The following FANCC variants were observed in gnomAD, a reference collection of about 807,000 sequenced individuals.
FANCC encodes the protein FA complementation group C.
A neutral mutation model predicts 71.3 loss-of-function variants in FANCC; 55 were observed. That is an observed-to-expected ratio of 0.77 (90% CI 0.62 to 0.97). FANCC has a LOEUF of 0.97. FANCC is among the 50% of genes least tolerant of loss of function. FANCC has a pLI of 0.00. For synonymous variants in FANCC, 275 were observed against 244.9 expected (o/e 1.12, Z -1.15); for missense variants, 678 against 670.9 (o/e 1.01, Z -0.12).
At chr9:95,220,285 T>C (rs1054403604) in intron 4 of FANCC, among the ~76,000 whole-genome samples, 1 of 152,212 alleles carries the variant, frequency 6.6e-6, no homozygotes, top group African/African-American at 2.4e-5. Flanking sequence ...ATAAACAAGT[T>C]CAACCATTGT....
At chr9:95,244,317 C>T (rs1484936909) in intron 3 of FANCC, among the ~76,000 whole-genome samples, 1 of 152,160 alleles carries the variant, frequency 6.6e-6, no homozygotes, top group Non-Finnish European at 1.5e-5. Flanking sequence ...ATCTCTTTTT[C>T]CCTGACTGGA....
chr9:95,220,201 T>TA (rs1163525794), intron 4 of FANCC, among the ~76,000 whole-genome samples: 1 of 152,140 alleles, frequency 6.6e-6, no homozygotes, highest in Non-Finnish European at 1.5e-5. Context: ...TGGCAATCAT[T>TA]AAAAAGTCAG....
In FANCC at chr9:95,249,280, A is replaced by T. The variant is rs1312670504; in HGVS notation, c.12T>A (p.Asp4Glu). The T allele has an allele frequency of 6.2e-7, 1 of 1,614,096 alleles. No individual in the cohort carries two copies. Among genetic ancestry groups the T allele is most frequent in the Middle Eastern group, 1.6e-4 (1 of 6,062 alleles). Residue 4 changes from aspartate to glutamate, a missense_variant, in exon 2 of 15, where the codon GAT becomes GAA. Transcript: ENST00000289081. ...GATAATCACAAGAAAGATCTACTGA[A>T]TCTTGAGCCATCTTGGAAAAAGCGA... MAQ[D>E]SVDLSCDYQF...
chr9:95,225,163 G>T (rs1339272525), intron 4 of FANCC, among the ~76,000 whole-genome samples: 2 of 152,194 alleles, frequency 1.3e-5, no homozygotes, highest in Non-Finnish European at 2.9e-5. Context: ...CATGTGGTCT[G>T]GGAAATCACT....
intron 4 of FANCC, among the ~76,000 whole-genome samples, chr9:95,186,867 T>C (rs948294070): frequency 8.0e-5 from 12 of 149,868 alleles, no homozygotes; most frequent in African/African-American, 3.0e-4. Flanking sequence ...TCTCAGCTCA[T>C]AGCAACCTCT....
intron 11 of FANCC, 100 bp from the exon 12 acceptor site, chr9:95,114,810 C>A: frequency 1.0e-6 from 1 of 990,558 alleles, no homozygotes; most frequent in Non-Finnish European, 1.6e-6. Context: ...GGGAGACGCC[C>A]TTTACTTCTG....
intron 6 of FANCC, among the ~76,000 whole-genome samples, chr9:95,152,919 C>A (rs886842767): frequency 2.0e-5 from 3 of 151,944 alleles, no homozygotes; most frequent in Non-Finnish European, 4.4e-5. Flanking sequence ...ACACTAATAC[C>A]AACGATAGTT....
intron 1 of FANCC, among the ~76,000 whole-genome samples, chr9:95,273,514 A>T (rs1343202536): frequency 6.6e-6 from 1 of 152,182 alleles, no homozygotes. Context: ...GTGGAACTAG[A>T]AGCTCCTGCC....
intron 7 of FANCC, among the ~76,000 whole-genome samples, chr9:95,148,766 G>A (rs958890509): frequency 6.6e-6 from 1 of 152,214 alleles, no homozygotes; most frequent in African/African-American, 2.4e-5. Context: ...AGACCAATGG[G>A]TTTCTAATGT....
intron 4 of FANCC, among the ~76,000 whole-genome samples, chr9:95,210,167 CA>C (rs1828401692): frequency 6.6e-6 from 1 of 151,838 alleles, no homozygotes; most frequent in East Asian, 1.9e-4. Flanking sequence ...ATGACTAAAT[CA>C]ATACATAGCA....
intron 1 of FANCC, chr9:95,293,035 C>T (rs985585300): frequency 4.4e-6 from 7 of 1,594,426 alleles, no homozygotes; most frequent in Non-Finnish European, 6.0e-6. Flanking sequence ...GAAAACTGTG[C>T]AAAACCAGAA....
intron 6 of FANCC, among the ~76,000 whole-genome samples, chr9:95,152,163 G>A (rs1272534192): frequency 6.6e-6 from 1 of 152,062 alleles, no homozygotes; most frequent in African/African-American, 2.4e-5. Context: ...TTATATATTT[G>A]TGTATCTTTG....
At chr9:95,294,376 G>A (rs774907769) in intron 1 of FANCC, 406 of 1,596,264 alleles carry the variant, frequency 2.5e-4, no homozygotes, top group Non-Finnish European at 3.4e-4. Context: ...CTTACTCGCA[G>A]ATACCTCTGC....
chr9:95,146,487 C>CAAAAAAAAAA (rs61093923), intron 7 of FANCC, among the ~76,000 whole-genome samples: 9 of 45,530 alleles, frequency 2.0e-4, no homozygotes, highest in African/African-American at 4.0e-4. Context: ...GACCCCATCT[C>CAAAAAAAAAA]AAAAAAAAAA....
At position 95,172,161 on chromosome 9, in the gene FANCC, A is replaced by C; in HGVS notation, c.346-14T>G. The C allele has an allele frequency of 6.5e-7, 1 of 1,543,042 alleles. No individual in the cohort carries two copies. The highest frequency in any genetic ancestry group is 8.9e-7 in the Non-Finnish European group (1 of 1,117,596). The stretch of plus-strand genomic sequence containing the variant: ...AGATAATACACCCTAAAAAACATAA[A>C]CAGAAAAAGTTAACTTCTTTAAAAG... On this transcript the variant is annotated splice_polypyrimidine_tract_variant and intron_variant, in intron 4 of 14. Transcript: ENST00000289081.
intron 1 of FANCC, among the ~76,000 whole-genome samples, chr9:95,306,544 A>G (rs987793100): frequency 6.6e-6 from 1 of 152,230 alleles, no homozygotes; most frequent in Admixed American, 6.5e-5. Context: ...GACAGGAGTT[A>G]GTTTCCCTGG....
At chr9:95,111,242 G>C (rs1158932601) in intron 13 of FANCC, 3 of 1,538,342 alleles carry the variant, frequency 2.0e-6, no homozygotes, top group Non-Finnish European at 2.6e-6. Context: ...AGGAGAATGG[G>C]CTGGCAGCGT....
At chr9:95,124,703 C>A (rs1825700934) in intron 10 of FANCC, among the ~76,000 whole-genome samples, 1 of 152,208 alleles carries the variant, frequency 6.6e-6, no homozygotes, top group South Asian at 2.1e-4. Flanking sequence ...CTTTCCTATT[C>A]ATCACATGCC....
At chr9:95,310,804 T>A (rs1038345870) in intron 1 of FANCC, among the ~76,000 whole-genome samples, 3 of 152,146 alleles carry the variant, frequency 2.0e-5, no homozygotes, top group Admixed American at 1.3e-4. Context: ...CAAACATCAA[T>A]GCAGTTATAT....
Sources: gnomAD v4.1 joint callset for allele counts (sites outside exome capture counted in the v4.1 genomes callset) on GRCh38, gnomAD v4.1.1 for gene constraint, MANE v1.5 for transcripts, NCBI Gene and HGNC (gene_info 2026-07-23, HGNC 2026-07-21) for gene names.